UNC5C: variants seen among roughly 807,000 people sequenced by gnomAD.
The protein encoded by UNC5C is netrin receptor UNC5C.
UNC5C carries 47 observed loss-of-function variants against 99.8 expected under a neutral mutation model. That is an observed-to-expected ratio of 0.47 (90% CI 0.37 to 0.60). The LOEUF (loss-of-function observed/expected upper bound fraction) is 0.60, where lower values mean the gene tolerates loss of function less well. Among genes scored for constraint, UNC5C ranks in the 20% least tolerant of loss-of-function variants. The pLI is 0.00. For synonymous variants in UNC5C, 487 were observed against 452.2 expected (o/e 1.08, Z -0.98); for missense variants, 1,062 against 1,165.9 (o/e 0.91, Z 1.30).
chr4:95,191,528 C>T (rs1456964518), intron 12 of UNC5C, among the ~76,000 whole-genome samples: 1 of 151,914 alleles, frequency 6.6e-6, no homozygotes, highest in African/African-American at 2.4e-5. Context: ...TTGCCTACAC[C>T]CTCTGCTCAC....
chr4:95,253,147 C>T (rs1739805937), intron 4 of UNC5C, among the ~76,000 whole-genome samples: 1 of 152,104 alleles, frequency 6.6e-6, no homozygotes, highest in South Asian at 2.1e-4. Context: ...TTACAGGGTT[C>T]TCCTGGAAGC....
chr4:95,548,747 G>A lies in UNC5C; in HGVS notation c.111C>T (p.Gly37=). ...GGACCCCCTTACCTTGGGCGGCGGA[G>A]CCAGTGCCGCTGGCGCTGAGCAGGG... ...ALALLSASGT[G]SAAQDDDFFH... The change falls in exon 1 of 16, where the codon GGC becomes GGT. Residue 37 remains glycine (G), a synonymous_variant. Transcript: ENST00000453304. 1 of 1,612,928 alleles carries A rather than the reference G, an allele frequency of 6.2e-7. No individual in the cohort carries two copies. Among genetic ancestry groups the A allele is most frequent in the African/African-American group, 1.3e-5 (1 of 75,016 alleles).
intron 1 of UNC5C, among the ~76,000 whole-genome samples, chr4:95,392,950 A>C (rs1745404522): frequency 6.6e-6 from 1 of 152,232 alleles, no homozygotes; most frequent in Non-Finnish European, 1.5e-5. Flanking sequence ...TAAGACTATA[A>C]AAAAGACATA....
chr4:95,480,305 C>A (rs1056854389), intron 1 of UNC5C, among the ~76,000 whole-genome samples: 2 of 148,322 alleles, frequency 1.3e-5, no homozygotes, highest in African/African-American at 5.1e-5. Context: ...ATATAGATAG[C>A]CTATTGGCTC....
intron 1 of UNC5C, among the ~76,000 whole-genome samples, chr4:95,522,034 A>G (rs1208731333): frequency 6.6e-6 from 1 of 152,088 alleles, no homozygotes; most frequent in Non-Finnish European, 1.5e-5. Flanking sequence ...TCTTCCACTA[A>G]TTTATTTCTA....
At chr4:95,380,197 A>G (rs149449686) in intron 1 of UNC5C, among the ~76,000 whole-genome samples, 240 of 152,212 alleles carry the variant, frequency 1.6e-3, no homozygotes, top group African/African-American at 5.6e-3. Flanking sequence ...TGTTTTAGCT[A>G]TATTCCCATA....
intron 1 of UNC5C, among the ~76,000 whole-genome samples, chr4:95,375,369 C>A (rs1008913467): frequency 1.3e-5 from 2 of 152,198 alleles, no homozygotes; most frequent in East Asian, 3.9e-4. Context: ...ATTATCCATA[C>A]TTCCAAACAG....
At chr4:95,514,066 G>T (rs566308993) in intron 1 of UNC5C, among the ~76,000 whole-genome samples, 1 of 152,208 alleles carries the variant, frequency 6.6e-6, no homozygotes, top group African/African-American at 2.4e-5. Flanking sequence ...TCTCAAAGAA[G>T]CTTTCTGAGA....
chr4:95,185,010 A>T, intron 13 of UNC5C, 37 bp downstream of exon 13: 1 of 1,558,766 alleles, frequency 6.4e-7, no homozygotes, highest in East Asian at 2.3e-5. Context: ...TTTCTTAGAG[A>T]TGTCTCCAGA....
intron 1 of UNC5C, among the ~76,000 whole-genome samples, chr4:95,384,533 A>C (rs546105326): frequency 1.3e-5 from 2 of 152,264 alleles, no homozygotes; most frequent in African/African-American, 4.8e-5. Context: ...GAGTGTGGTA[A>C]AGCTGGACCA....
intron 9 of UNC5C, among the ~76,000 whole-genome samples, chr4:95,217,482 T>C (rs1416245623): frequency 6.6e-6 from 1 of 152,190 alleles, no homozygotes; most frequent in Non-Finnish European, 1.5e-5. Context: ...ATTTTTTTCA[T>C]TGAAAACATA....
intron 4 of UNC5C, among the ~76,000 whole-genome samples, chr4:95,257,202 C>A (rs928851357): frequency 6.6e-6 from 1 of 152,172 alleles, no homozygotes; most frequent in Non-Finnish European, 1.5e-5. Context: ...GAAGTCCTTA[C>A]AACCAGCCTG....
chr4:95,424,512 TC>T (rs1560827800), intron 1 of UNC5C, among the ~76,000 whole-genome samples: 25 of 134,934 alleles, frequency 1.9e-4, no homozygotes, highest in African/African-American at 5.5e-4. Flanking sequence ...ATTTTTTTTT[TC>T]TTTTCTTTTT....
intron 4 of UNC5C, among the ~76,000 whole-genome samples, chr4:95,256,237 C>A (rs1308085471): frequency 2.0e-5 from 3 of 152,070 alleles, no homozygotes; most frequent in Admixed American, 6.5e-5. Context: ...AATTTATCTC[C>A]AGCCCAGACC....
chr4:95,216,130 G>A lies in UNC5C; in HGVS notation c.1727C>T (p.Thr576Ile). 6.2e-7 allele frequency: 1 copy of A among 1,612,986 alleles called. No homozygotes were observed. Among genetic ancestry groups the A allele is most frequent in the Non-Finnish European group, 8.5e-7 (1 of 1,179,484 alleles). The change falls in exon 10 of 16, where the codon ACT becomes ATT. Residue 576 changes from threonine to isoleucine, a missense_variant. Around this residue, in one of 3 missense-constraint regions of UNC5C, gnomAD observed 810 missense variants for 854.5 expected, o/e 0.95. Transcript: ENST00000453304. Reference protein sequence around the residue: ...EMYVTVHRKETMRPPMDDSQT... With the variant: ...EMYVTVHRKEIMRPPMDDSQT... Reference sequence around the variant, plus strand: ...CCAGAAAAAGCATATTTACCTCATAGTTTCTTTCCTGTGTACAGTCACATA... The same window carrying A: ...CCAGAAAAAGCATATTTACCTCATAATTTCTTTCCTGTGTACAGTCACATA...
intron 1 of UNC5C, among the ~76,000 whole-genome samples, chr4:95,477,192 C>T (rs538436249): frequency 2.0e-5 from 3 of 151,948 alleles, no homozygotes; most frequent in South Asian, 2.1e-4. Flanking sequence ...ATATTAGGTT[C>T]CCTCTTGAGG....
intron 7 of UNC5C, among the ~76,000 whole-genome samples, chr4:95,226,098 G>A (rs60228393): frequency 0.02 from 2,988 of 152,202 alleles, 105 homozygotes; most frequent in East Asian, 0.09. Flanking sequence ...TAACATCTCC[G>A]GCGGAACACA....
intron 1 of UNC5C, among the ~76,000 whole-genome samples, chr4:95,407,812 G>A (rs1309547004): frequency 6.6e-6 from 1 of 152,184 alleles, no homozygotes; most frequent in Admixed American, 6.5e-5. Flanking sequence ...GCAGCTAGGA[G>A]AGGGGAGCAT....
At chr4:95,176,197 C>T (rs1285007003) in intron 14 of UNC5C, among the ~76,000 whole-genome samples, 6 of 152,042 alleles carry the variant, frequency 3.9e-5, no homozygotes, top group Admixed American at 3.3e-4. Flanking sequence ...AATTTCCTCC[C>T]ATAGCTCGGA....
Sources: gnomAD v4.1 joint callset for allele counts (sites outside exome capture counted in the v4.1 genomes callset) on GRCh38, gnomAD v4.1.1 for gene constraint, gnomAD v4.1.1 regional missense constraint, MANE v1.5 for transcripts, NCBI Gene and HGNC (gene_info 2026-07-23, HGNC 2026-07-21) for gene names.